The following XXYLT1 variants were observed in gnomAD, a reference collection of about 807,000 sequenced individuals.
XXYLT1 encodes the protein xyloside xylosyltransferase 1, also known as UDP-xylose:alpha-xyloside alpha-1,3-xylosyltransferase.
In XXYLT1, 20 loss-of-function variants were observed where a neutral mutation model predicts 28.9. The observed-to-expected ratio is 0.69, with a 90% CI of 0.49 to 1.00. The LOEUF (loss-of-function observed/expected upper bound fraction) is 1.00, where lower values mean the gene tolerates loss of function less well. Ranked by LOEUF, XXYLT1 falls within the 50% of genes least tolerant of loss-of-function variation. The pLI is 0.00. For missense variants in XXYLT1, 542 were observed against 560.1 expected, an observed-to-expected ratio of 0.97 and a Z score of 0.33; for synonymous variants, 257 against 253.8, an observed-to-expected ratio of 1.01 and a Z score of -0.12.
chr3:195,101,674 A>C (rs1321536642), intron 3 of XXYLT1, among the ~76,000 whole-genome samples: 2 of 151,676 alleles, frequency 1.3e-5, no homozygotes, highest in Non-Finnish European at 2.9e-5. Flanking sequence ...CAAAAAATAC[A>C]TCTGAGCCGG....
intron 3 of XXYLT1, among the ~76,000 whole-genome samples, chr3:195,127,430 C>T (rs1448336756): frequency 6.6e-6 from 1 of 152,144 alleles, no homozygotes; most frequent in Non-Finnish European, 1.5e-5. Context: ...GCCCCATCTA[C>T]TTGCAAAGAT....
chr3:195,181,605 C>T lies in XXYLT1; in HGVS notation c.653-25024G>A, dbSNP rs116956217. The stretch of plus-strand genomic sequence containing the variant: ...TAAGCTCACTTGGTGCTCACAACAA[C>T]CCTCGAGATAGGTGTATTTCCATGG... On this transcript the variant is annotated intron_variant, in intron 2 of 3. Coordinates refer to ENST00000310380, the MANE Select transcript of XXYLT1 (RefSeq NM_152531.5). Among the ~76,000 whole-genome samples, 399 of 152,234 alleles carry T rather than the reference C, an allele frequency of 2.6e-3. 13 individuals are homozygous for T. The East Asian group carries it at 0.069, about 27-fold the overall frequency.
intron 2 of XXYLT1, among the ~76,000 whole-genome samples, chr3:195,213,186 G>C (rs961864843): frequency 1.3e-5 from 2 of 151,370 alleles, no homozygotes; most frequent in Non-Finnish European, 2.9e-5. Context: ...AGGCTTTCCT[G>C]CCCACATCCG....
intron 3 of XXYLT1, among the ~76,000 whole-genome samples, chr3:195,109,347 G>A (rs1251156194): frequency 2.0e-5 from 3 of 151,910 alleles, no homozygotes; most frequent in African/African-American, 2.4e-5. Context: ...GTGTGTGTGC[G>A]TGTATGGTGT....
chr3:195,097,972 C>T (rs1470781396), intron 3 of XXYLT1, among the ~76,000 whole-genome samples: 2 of 151,980 alleles, frequency 1.3e-5, no homozygotes, highest in South Asian at 2.1e-4. Context: ...CCCACAGAGT[C>T]CCACAGTCCC....
rs1033327282 is a variant in XXYLT1 at position 195,256,186 on chromosome 3, A to G, written c.504+14369T>C. Among the ~76,000 whole-genome samples, 1 of 152,204 alleles carries G rather than the reference A, an allele frequency of 6.6e-6. No individual in the cohort carries two copies. The highest frequency in any genetic ancestry group is 2.4e-5 in the African/African-American group (1 of 41,452). ...TGAAGAATCAGCAAGCCGGACTCCA[A>G]TCATGGCTCCGAGCAAGCTCATCTG... is the stretch of plus-strand genomic sequence containing the variant. On this transcript the variant is annotated intron_variant, in intron 1 of 3. Transcript: ENST00000310380. This position sits in a 1 kb window ranked among gnomAD's most constrained non-coding sequence, Gnocchi z 4.2.
intron 3 of XXYLT1, among the ~76,000 whole-genome samples, chr3:195,155,203 G>A (rs944871919): frequency 1.3e-5 from 2 of 152,150 alleles, no homozygotes; most frequent in Non-Finnish European, 2.9e-5. Flanking sequence ...AGCCACAACC[G>A]AGCTGAAGCT....
intron 2 of XXYLT1, among the ~76,000 whole-genome samples, chr3:195,182,656 T>C (rs1722007829): frequency 6.6e-6 from 1 of 152,190 alleles, no homozygotes; most frequent in Non-Finnish European, 1.5e-5. Context: ...AGCCGAGGTC[T>C]GCTTTCCCCA....
intron 1 of XXYLT1, among the ~76,000 whole-genome samples, chr3:195,261,373 G>T (rs1725695920): frequency 6.6e-6 from 1 of 152,216 alleles, no homozygotes; most frequent in East Asian, 1.9e-4. Context: ...CATGGGACAT[G>T]GAGGTTGCAG....
At chr3:195,144,252 T>C (rs899585922) in intron 3 of XXYLT1, among the ~76,000 whole-genome samples, 1 of 151,384 alleles carries the variant, frequency 6.6e-6, no homozygotes, top group Non-Finnish European at 1.5e-5. Flanking sequence ...GGACTGGGCC[T>C]CTTCTAATCT....
chr3:195,177,114 C>T (rs1451498751), intron 2 of XXYLT1, among the ~76,000 whole-genome samples: 4 of 152,232 alleles, frequency 2.6e-5, no homozygotes, highest in Admixed American at 6.5e-5. Context: ...GCCCTTCTGC[C>T]GAACTCCTGA....
chr3:195,088,344 G>A (rs551823081), intron 3 of XXYLT1, among the ~76,000 whole-genome samples: 100 of 148,638 alleles, frequency 6.7e-4, no homozygotes, highest in South Asian at 4.7e-3. Flanking sequence ...ATCTGAGAAC[G>A]GGCAGACTGC....
chr3:195,088,344 G>T (rs551823081), intron 3 of XXYLT1, among the ~76,000 whole-genome samples: 2 of 148,640 alleles, frequency 1.3e-5, no homozygotes, highest in Non-Finnish European at 3.0e-5. Context: ...ATCTGAGAAC[G>T]GGCAGACTGC....
At chr3:195,161,155 C>T (rs1720851413) in intron 2 of XXYLT1, among the ~76,000 whole-genome samples, 1 of 152,162 alleles carries the variant, frequency 6.6e-6, no homozygotes. Context: ...AGCCCATGAA[C>T]CTCCATCATG....
chr3:195,151,198 T>C (rs1391232793), intron 3 of XXYLT1, among the ~76,000 whole-genome samples: 1 of 152,000 alleles, frequency 6.6e-6, no homozygotes, highest in African/African-American at 2.4e-5. Flanking sequence ...TTTACAATCG[T>C]GGGTAGAGGT....
Position 195,078,966 on chromosome 3 carries a change from C to T in XXYLT1, c.786-8855G>A, listed in dbSNP as rs1187892382. 6.6e-6 allele frequency among the ~76,000 whole-genome samples: 1 copy of T among 152,218 alleles called. No homozygotes were observed. Among genetic ancestry groups the T allele is most frequent in the African/African-American group, 2.4e-5 (1 of 41,458 alleles). Reference sequence around the variant, plus strand: ...GAACTTTGCGACCAGACGCACTCTGCTCCAGTGATGGGAACTGAGATCCCT... The same window carrying T: ...GAACTTTGCGACCAGACGCACTCTGTTCCAGTGATGGGAACTGAGATCCCT... On this transcript the variant is annotated intron_variant, in intron 3 of 3. Coordinates refer to ENST00000310380, the MANE Select transcript of XXYLT1 (RefSeq NM_152531.5). The surrounding 1 kb of genome is among the most constrained non-coding windows in gnomAD (Gnocchi z 5.0).
chr3:195,192,421 T>C (rs1166991714), intron 2 of XXYLT1, among the ~76,000 whole-genome samples: 3 of 136,356 alleles, frequency 2.2e-5, no homozygotes, highest in Non-Finnish European at 4.4e-5. Context: ...TGAGACTCTG[T>C]CTCAAGAAAA....
chr3:195,221,912 C>T (rs1014939976), intron 2 of XXYLT1, among the ~76,000 whole-genome samples: 1 of 152,102 alleles, frequency 6.6e-6, no homozygotes, highest in African/African-American at 2.4e-5. Flanking sequence ...GCATGTGAAT[C>T]CCCAACAAGC....
chr3:195,099,556 C>T (rs1661501638), intron 3 of XXYLT1, among the ~76,000 whole-genome samples: 2 of 152,146 alleles, frequency 1.3e-5, no homozygotes, highest in African/African-American at 4.8e-5. Flanking sequence ...CTGGGCTGGG[C>T]GCGGTGGCTC....
Sources: gnomAD v4.1 joint callset for allele counts (sites outside exome capture counted in the v4.1 genomes callset) on GRCh38, gnomAD v4.1.1 for gene constraint, Gnocchi (gnomAD v3.1) non-coding constraint, MANE v1.5 for transcripts, NCBI Gene and HGNC (gene_info 2026-07-23, HGNC 2026-07-21) for gene names.